The following PALM2AKAP2 variants were observed in gnomAD, a reference collection of about 807,000 sequenced individuals.
The protein encoded by PALM2AKAP2 is PALM2 and AKAP2 fusion.
A neutral mutation model predicts 71.5 loss-of-function variants in PALM2AKAP2; 37 were observed. The ratio of observed to expected loss-of-function variants is 0.52; its 90% CI spans 0.40 to 0.68. The LOEUF is 0.68. Ranked by LOEUF, PALM2AKAP2 falls within the 30% of genes least tolerant of loss-of-function variation. The pLI, the probability that PALM2AKAP2 is intolerant of heterozygous loss-of-function variation, is 0.00. For missense variants in PALM2AKAP2, 1,224 were observed against 1,191.8 expected (o/e 1.03, Z -0.40); for synonymous variants, 468 against 478.8 (o/e 0.98, Z 0.29).
chr9:109,742,251 T>TCA (rs72323941), intron 1 of PALM2AKAP2, among the ~76,000 whole-genome samples: 1,546 of 145,426 alleles, frequency 0.011, 13 homozygotes, highest in Middle Eastern at 0.032. Flanking sequence ...TGTGATGTAT[T>TCA]CACACACACA....
upstream of PALM2AKAP2, chr9:109,780,322 G>A: frequency 7.2e-7 from 1 of 1,396,956 alleles, no homozygotes; most frequent in South Asian, 1.6e-5. Context: ...GGGCGAGCCC[G>A]CCGTGCGCAC....
At chr9:109,976,167 T>C (rs1832169341) in intron 6 of PALM2AKAP2, among the ~76,000 whole-genome samples, 1 of 152,224 alleles carries the variant, frequency 6.6e-6, no homozygotes, top group African/African-American at 2.4e-5. Flanking sequence ...TTACTCATCA[T>C]TTCCTTCTCA....
chr9:109,726,382 G>A (rs991352868), intron 1 of PALM2AKAP2, among the ~76,000 whole-genome samples: 7 of 152,198 alleles, frequency 4.6e-5, no homozygotes, highest in African/African-American at 1.4e-4. Context: ...AGCATCTGCC[G>A]GGTCAGCAGA....
intron 1 of PALM2AKAP2, among the ~76,000 whole-genome samples, chr9:109,770,310 T>C (rs1182762161): frequency 2.0e-5 from 3 of 152,142 alleles, no homozygotes; most frequent in Non-Finnish European, 4.4e-5. Context: ...AGAATGTCCT[T>C]GGAAGAATTC....
chr9:110,082,344 A>T (rs1332354848), intron 1 of PALM2AKAP2, among the ~76,000 whole-genome samples: 1 of 152,170 alleles, frequency 6.6e-6, no homozygotes, highest in Admixed American at 6.5e-5. Flanking sequence ...GGCTTGAGCC[A>T]CTGCACCCAG....
rs561650409 is a variant in PALM2AKAP2, at chr9:110,141,500, C to G, written c.2569+2961C>G. ...ACGGAATGTAAAATACAATTTTCTT[C>G]CTGTTCATGCCTGGAAATCTTTGGA... On this transcript the variant is annotated intron_variant, in intron 2 of 3. Transcript: ENST00000374525. 3.9e-5 allele frequency among the ~76,000 whole-genome samples: 6 copies of G among 152,306 alleles called. No individual in the cohort carries two copies. In the South Asian group the frequency reaches 8.3e-4, roughly 21 times the overall value.
intron 3 of PALM2AKAP2, among the ~76,000 whole-genome samples, chr9:109,915,074 G>T (rs1418293051): frequency 5.3e-5 from 8 of 152,182 alleles, no homozygotes; most frequent in Non-Finnish European, 1.5e-5. Flanking sequence ...GTTTGCCCCA[G>T]ATCTTCCCAT....
At chr9:109,705,287 C>T (rs1287407552) in intron 1 of PALM2AKAP2, among the ~76,000 whole-genome samples, 1 of 152,190 alleles carries the variant, frequency 6.6e-6, no homozygotes, top group East Asian at 1.9e-4. Flanking sequence ...TACCTCCACC[C>T]CTGTGTTACT....
At chr9:109,950,304 C>CA (rs373578244) in intron 6 of PALM2AKAP2, among the ~76,000 whole-genome samples, 4 of 150,146 alleles carry the variant, frequency 2.7e-5, no homozygotes, top group African/African-American at 9.9e-5. Flanking sequence ...AAAAAAAAAA[C>CA]AAAAAAACAA....
At chr9:109,967,317 A>G (rs1277508520) in intron 6 of PALM2AKAP2, among the ~76,000 whole-genome samples, 1 of 152,168 alleles carries the variant, frequency 6.6e-6, no homozygotes, top group Non-Finnish European at 1.5e-5. Context: ...CCAGCCTCCA[A>G]GTCTCACAGC....
At chr9:109,879,346 C>T (rs1270892231) in intron 2 of PALM2AKAP2, among the ~76,000 whole-genome samples, 3 of 152,204 alleles carry the variant, frequency 2.0e-5, no homozygotes, top group Admixed American at 2.0e-4. Context: ...TCGTTGCTTA[C>T]TATTTCTGGG....
At chr9:109,757,464 A>C (rs1215460173) in intron 1 of PALM2AKAP2, among the ~76,000 whole-genome samples, 1 of 152,140 alleles carries the variant, frequency 6.6e-6, no homozygotes, top group Non-Finnish European at 1.5e-5. Flanking sequence ...TCCTATGGTC[A>C]CAAAGTCCTT....
At chr9:109,718,766 G>A (rs1218852269) in intron 1 of PALM2AKAP2, among the ~76,000 whole-genome samples, 1 of 152,140 alleles carries the variant, frequency 6.6e-6, no homozygotes, top group Non-Finnish European at 1.5e-5. Context: ...TTTCAGGAGT[G>A]GAGAAATGCC....
At chr9:109,642,877 C>T (rs1440178761) in intron 1 of PALM2AKAP2, among the ~76,000 whole-genome samples, 2 of 144,376 alleles carry the variant, frequency 1.4e-5, no homozygotes, top group Admixed American at 7.1e-5. Flanking sequence ...TAAAGAAATA[C>T]ATGGTGTGGT....
At chr9:109,866,142 A>G (rs1170546151) in intron 1 of PALM2AKAP2, among the ~76,000 whole-genome samples, 1 of 152,236 alleles carries the variant, frequency 6.6e-6, no homozygotes, top group African/African-American at 2.4e-5. Context: ...CATTGCACAG[A>G]AAACCTTGGT....
chr9:109,664,701 T>C (rs543406465), intron 1 of PALM2AKAP2, among the ~76,000 whole-genome samples: 1 of 152,326 alleles, frequency 6.6e-6, no homozygotes, highest in South Asian at 2.1e-4. Flanking sequence ...ATCTTTGTGG[T>C]GTTCTCTGTA....
rs553304829 is a variant in PALM2AKAP2 at position 109,831,976 on chromosome 9, A to T, written c.46-35515A>T. 2.0e-5 allele frequency among the ~76,000 whole-genome samples: 3 copies of T among 152,326 alleles called. No homozygotes were observed. The South Asian group carries it at 6.2e-4, about 32-fold the overall frequency. ...TCTAAAGTCACACACTGGAAGCCAA[A>T]CTATCTAGAGTATAAATATTTCCTT... On this transcript the variant is annotated intron_variant, in intron 1 of 9. Transcript: ENST00000302798.
At chr9:109,803,711 C>A (rs1026856171) in intron 1 of PALM2AKAP2, among the ~76,000 whole-genome samples, 1 of 152,202 alleles carries the variant, frequency 6.6e-6, no homozygotes, top group African/African-American at 2.4e-5. Flanking sequence ...AGTGGGCCAG[C>A]ACCATAGTCC....
At chr9:110,035,194 CATGT>C (rs1242483562) in intron 7 of PALM2AKAP2, among the ~76,000 whole-genome samples, 2 of 139,460 alleles carry the variant, frequency 1.4e-5, no homozygotes, top group African/African-American at 5.4e-5. Context: ...TATATGTGTG[CATGT>C]GTGTGTGTGT....
Sources: allele counts gnomAD v4.1 joint callset (sites outside exome capture counted in the v4.1 genomes callset), GRCh38; gene constraint gnomAD v4.1.1; transcripts MANE v1.5; gene names NCBI Gene and HGNC (gene_info 2026-07-23, HGNC 2026-07-21).